TACC2: variants seen among roughly 807,000 people sequenced by gnomAD.
TACC2 encodes the protein transforming acidic coiled-coil containing protein 2.
A neutral mutation model predicts 227.3 loss-of-function variants in TACC2; 137 were observed. That is an observed-to-expected ratio of 0.60 (90% CI 0.52 to 0.69). TACC2 has a LOEUF of 0.69. Ranked by LOEUF, TACC2 falls within the 30% of genes least tolerant of loss-of-function variation. The pLI, the probability that TACC2 is intolerant of heterozygous loss-of-function variation, is 0.00. For missense variants in TACC2, 3,470 were observed against 3,694.4 expected (o/e 0.94, Z 1.57); for synonymous variants, 1,523 against 1,487.5 (o/e 1.02, Z -0.55).
chr10:122,251,809 G>A (rs1459885770), intron 22 of TACC2, among the ~76,000 whole-genome samples: 1 of 152,232 alleles, frequency 6.6e-6, no homozygotes, highest in Non-Finnish European at 1.5e-5. Flanking sequence ...CAATGTGTGT[G>A]TTTGAGATGG....
At chr10:122,160,573 G>A (rs930786107) in intron 7 of TACC2, among the ~76,000 whole-genome samples, 1 of 151,822 alleles carries the variant, frequency 6.6e-6, no homozygotes, top group African/African-American at 2.4e-5. Flanking sequence ...CTTTTTATAC[G>A]GGTATAATCT....
intron 7 of TACC2, among the ~76,000 whole-genome samples, chr10:122,188,731 TCAGGACGGCGATGGC>T (rs2094303969): frequency 6.6e-6 from 1 of 152,222 alleles, no homozygotes; most frequent in Non-Finnish European, 1.5e-5. Context: ...CTAGCGATGG[TCAGGACGGCGATGGC>T]CAGCGCCCCG....
intron 2 of TACC2, chr10:122,032,959 C>T (rs1212142079): frequency 2.1e-6 from 1 of 475,450 alleles, no homozygotes; most frequent in Non-Finnish European, 3.5e-6. Context: ...GACTCTGTCT[C>T]AACAAAACAA....
intron 5 of TACC2, among the ~76,000 whole-genome samples, chr10:122,120,096 A>G (rs141772854): frequency 2.8e-4 from 42 of 152,222 alleles, no homozygotes; most frequent in Non-Finnish European, 5.7e-4. Context: ...AGGTGATTAA[A>G]TTGTGTATGA....
chr10:122,104,544 T>C (rs1227160926), intron 5 of TACC2, among the ~76,000 whole-genome samples: 1 of 152,086 alleles, frequency 6.6e-6, no homozygotes, highest in Admixed American at 6.6e-5. Context: ...AATTTTTTTG[T>C]ATCTTTAGTA....
At chr10:122,071,978 C>CTTT (rs200019377) in intron 3 of TACC2, among the ~76,000 whole-genome samples, 1 of 101,506 alleles carries the variant, frequency 9.9e-6, no homozygotes, top group African/African-American at 3.5e-5. Context: ...CCCAATAACT[C>CTTT]TTTTTTTTTT....
intron 2 of TACC2, 164 bp downstream of exon 2, chr10:122,022,178 C>T (rs1332623511): frequency 1.6e-6 from 1 of 626,374 alleles, no homozygotes. Flanking sequence ...TTTTTCATTT[C>T]ATTGGAATTC....
At chr10:122,006,674 T>C (rs946127438) in intron 1 of TACC2, among the ~76,000 whole-genome samples, 1 of 152,124 alleles carries the variant, frequency 6.6e-6, no homozygotes, top group Non-Finnish European at 1.5e-5. Context: ...TTCCTGTTTC[T>C]AGAAATTTTT....
At chr10:122,055,283 C>T (rs1275922833) in intron 3 of TACC2, among the ~76,000 whole-genome samples, 1 of 152,026 alleles carries the variant, frequency 6.6e-6, no homozygotes, top group Non-Finnish European at 1.5e-5. Flanking sequence ...ATGGGAGCGT[C>T]GTTACACGTG....
chr10:122,139,126 C>T lies in TACC2; in HGVS notation c.5700-4446C>T, dbSNP rs138384312. On this transcript the variant is annotated intron_variant, in intron 6 of 22. Coordinates refer to ENST00000369005, the MANE Select transcript of TACC2 (RefSeq NM_206862.4). The stretch of plus-strand genomic sequence containing the variant: ...TTTGGGATGGTGTTTATCACTTTTC[C>T]CTTGGTGAATATTTTCCTTCCTGCT... Among the ~76,000 whole-genome samples, 1,042 of 152,322 alleles carry T rather than the reference C, an allele frequency of 6.8e-3. 10 individuals carry two copies. Among genetic ancestry groups the T allele is most frequent in the Non-Finnish European group, 0.012 (812 of 68,032 alleles).
At chr10:122,144,924 C>T (rs1286165947) in intron 7 of TACC2, among the ~76,000 whole-genome samples, 1 of 152,180 alleles carries the variant, frequency 6.6e-6, no homozygotes, top group Non-Finnish European at 1.5e-5. Context: ...TGCCATAATT[C>T]TTGGCCCAAG....
chr10:122,030,490 A>G (rs750207175), intron 2 of TACC2, among the ~76,000 whole-genome samples: 7 of 152,110 alleles, frequency 4.6e-5, no homozygotes, highest in African/African-American at 1.2e-4. Flanking sequence ...TTCTAATGCT[A>G]CATATGTTTA....
At chr10:122,173,570 A>G (rs2093577490) in intron 7 of TACC2, among the ~76,000 whole-genome samples, 1 of 152,242 alleles carries the variant, frequency 6.6e-6, no homozygotes, top group Admixed American at 6.5e-5. Flanking sequence ...GACACGAGAC[A>G]CAGAAGAGGC....
At chr10:122,020,644 G>T (rs1467665122) in intron 1 of TACC2, among the ~76,000 whole-genome samples, 1 of 152,158 alleles carries the variant, frequency 6.6e-6, no homozygotes, top group African/African-American at 2.4e-5. Flanking sequence ...TAGAAGGCTG[G>T]AGTTTGAGGT....
chr10:121,992,397 CT>C (rs1953063162), intron 1 of TACC2, among the ~76,000 whole-genome samples: 1 of 152,184 alleles, frequency 6.6e-6, no homozygotes, highest in Non-Finnish European at 1.5e-5. Context: ...TACTTTAATG[CT>C]TTTTCCAACA....
At chr10:122,218,964 G>A (rs895999595) in intron 11 of TACC2, among the ~76,000 whole-genome samples, 8 of 145,598 alleles carry the variant, frequency 5.5e-5, no homozygotes, top group African/African-American at 2.0e-4. Flanking sequence ...AGAGGTTGCA[G>A]TGAGCTGAGA....
At chr10:122,200,952 G>A (rs11200472) in intron 8 of TACC2, among the ~76,000 whole-genome samples, 4,347 of 145,986 alleles carry the variant, frequency 0.03, 538 homozygotes, top group African/African-American at 0.11. Context: ...GACCTCACCC[G>A]CCCACAGTGG....
chr10:122,214,093 G>A (rs57638399), intron 9 of TACC2, among the ~76,000 whole-genome samples: 2 of 151,788 alleles, frequency 1.3e-5, no homozygotes, highest in African/African-American at 2.4e-5. Context: ...TGGGCAGCTC[G>A]GGGGGGTCCA....
chr10:122,035,734 A>G (rs1479443221), intron 2 of TACC2, among the ~76,000 whole-genome samples: 7 of 151,420 alleles, frequency 4.6e-5, no homozygotes, highest in Non-Finnish European at 1.0e-4. Context: ...TCAAACTGAA[A>G]CTCTCTGCCC....
Sources: gnomAD v4.1 joint callset for allele counts (sites outside exome capture counted in the v4.1 genomes callset) on GRCh38, gnomAD v4.1.1 for gene constraint, MANE v1.5 for transcripts, NCBI Gene and HGNC (gene_info 2026-07-23, HGNC 2026-07-21) for gene names.